GATAD2B: variants seen among roughly 807,000 people sequenced by gnomAD.
GATAD2B encodes transcriptional repressor p66-beta.
In GATAD2B, 8 loss-of-function variants were observed where a neutral mutation model predicts 64.3. The ratio of observed to expected loss-of-function variants is 0.12; its 90% confidence interval spans 0.07 to 0.22. The LOEUF (loss-of-function observed/expected upper bound fraction) is 0.22, where lower values mean the gene tolerates loss of function less well. Ranked by LOEUF, GATAD2B falls within the 10% of genes least tolerant of loss-of-function variation. The pLI, the probability that GATAD2B is intolerant of heterozygous loss-of-function variation, is 1.00. For missense variants in GATAD2B, 453 were observed against 752.0 expected (o/e 0.60, Z 4.65); for synonymous variants, 281 against 271.3 (o/e 1.04, Z -0.35).
chr1:153,876,328 T>C (rs1380498836), intron 1 of GATAD2B, among the ~76,000 whole-genome samples: 6 of 149,958 alleles, frequency 4.0e-5, no homozygotes, highest in Admixed American at 2.0e-4. Flanking sequence ...GTCAATGTCC[T>C]TAACCATCGT....
intron 1 of GATAD2B, among the ~76,000 whole-genome samples, chr1:153,866,257 TAG>T (rs1557812523): frequency 6.8e-6 from 1 of 147,730 alleles, no homozygotes; most frequent in Non-Finnish European, 1.5e-5. Context: ...TTAGTCATAA[TAG>T]AGAGGTGAGA....
intron 1 of GATAD2B, chr1:153,921,701 AG>A (rs1557838217): frequency 6.6e-6 from 1 of 152,252 alleles, no homozygotes; most frequent in Non-Finnish European, 1.5e-5. Flanking sequence ...AACAGAGAAA[AG>A]GTTGCTAGCT....
At chr1:153,897,219 CG>C (rs1231876329) in intron 1 of GATAD2B, among the ~76,000 whole-genome samples, 2 of 151,854 alleles carry the variant, frequency 1.3e-5, no homozygotes, top group Non-Finnish European at 2.9e-5. Flanking sequence ...TTAGTAGAGA[CG>C]GGGTTTCACT....
intron 1 of GATAD2B, chr1:153,852,257 T>C (rs1675921912): frequency 8.1e-7 from 1 of 1,231,086 alleles, no homozygotes; most frequent in East Asian, 2.3e-5. Flanking sequence ...TCAAGTCATC[T>C]AAAGATTCCT....
intron 1 of GATAD2B, among the ~76,000 whole-genome samples, chr1:153,873,941 T>A (rs929767273): frequency 2.0e-5 from 3 of 150,678 alleles, no homozygotes; most frequent in African/African-American, 4.9e-5. Flanking sequence ...AGAGAATAAA[T>A]AAAAAGGAAA....
At chr1:153,847,330 C>T (rs1675723370) in intron 1 of GATAD2B, among the ~76,000 whole-genome samples, 1 of 152,092 alleles carries the variant, frequency 6.6e-6, no homozygotes, top group African/African-American at 2.4e-5. Flanking sequence ...TATTTAGTCC[C>T]TGACCTCTGA....
chr1:153,853,721 G>C (rs1675988866), intron 1 of GATAD2B, among the ~76,000 whole-genome samples: 1 of 152,114 alleles, frequency 6.6e-6, no homozygotes, highest in African/African-American at 2.4e-5. Flanking sequence ...TTCTTCTTAT[G>C]AGTTTTATAG....
At position 153,810,180 on chromosome 1, in the gene GATAD2B, T is replaced by C. The variant is rs1263254401; in HGVS notation, c.1779A>G (p.Lys593=). ...GGCAGTACAAGTGGAACAGGCGTTA[T>C]TTCTGTCCACTGATGGACTGCGATA... The part of the protein sequence containing the change: ...RSISQSISGQ[K] Residue 593 remains lysine, a synonymous_variant, in exon 11 of 11, where the codon AAA becomes AAG. Transcript: ENST00000368655. 6.2e-7 allele frequency: 1 copy of C among 1,608,836 alleles called. No individual in the cohort carries two copies. Among genetic ancestry groups the C allele is most frequent in the Non-Finnish European group, 8.5e-7 (1 of 1,177,664 alleles).
At chr1:153,912,013 C>T (rs990536537) in intron 1 of GATAD2B, among the ~76,000 whole-genome samples, 4 of 152,090 alleles carry the variant, frequency 2.6e-5, no homozygotes, top group African/African-American at 4.8e-5. Flanking sequence ...ATCAAGTATT[C>T]GCGGAGCCAG....
chr1:153,819,542 C>T lies in GATAD2B; in HGVS notation c.465+64G>A, dbSNP rs1277251511. 2.6e-6 allele frequency: 3 copies of T among 1,163,430 alleles called. No homozygotes were observed. In the Admixed American group the frequency reaches 7.0e-5, roughly 27 times the overall value. The allele number at this position is 1,163,430 out of a possible 1,614,324, so 72.1% of individuals were successfully genotyped here. On this transcript the variant is annotated intron_variant, in intron 3 of 10. Coordinates refer to ENST00000368655, the MANE Select transcript of GATAD2B (RefSeq NM_020699.4). ...ATAGTCAAAAAACAGAACTAAATCT[C>T]TTGAGGAATTAAATAAAATAGAAGG... is the stretch of plus-strand genomic sequence containing the variant.
intron 1 of GATAD2B, among the ~76,000 whole-genome samples, chr1:153,912,551 C>T (rs1295073337): frequency 1.3e-5 from 2 of 152,186 alleles, no homozygotes; most frequent in East Asian, 3.8e-4. Context: ...CTTCAAAGGT[C>T]TTCTGGCCAA....
intron 1 of GATAD2B, among the ~76,000 whole-genome samples, chr1:153,849,581 T>C (rs1675816171): frequency 6.6e-6 from 1 of 152,186 alleles, no homozygotes; most frequent in African/African-American, 2.4e-5. Context: ...CCACATGCAT[T>C]CTATCTGTAA....
intron 1 of GATAD2B, among the ~76,000 whole-genome samples, chr1:153,910,050 G>A (rs140505597): frequency 0.021 from 3,205 of 152,086 alleles, 120 homozygotes; most frequent in African/African-American, 0.073. Flanking sequence ...AAGAGGCAGA[G>A]GTTGCAGTGA....
chr1:153,874,900 G>A (rs1045631247), intron 1 of GATAD2B, among the ~76,000 whole-genome samples: 8 of 151,142 alleles, frequency 5.3e-5, no homozygotes, highest in Non-Finnish European at 7.4e-5. Flanking sequence ...TTGAAACAGG[G>A]TCTTGTTCTG....
At chr1:153,840,022 CTTTCT>C (rs1347063815) in intron 1 of GATAD2B, among the ~76,000 whole-genome samples, 2 of 142,372 alleles carry the variant, frequency 1.4e-5, no homozygotes, top group African/African-American at 5.2e-5. Flanking sequence ...AATGAAAATA[CTTTCT>C]TTTTTTTTTT....
At chr1:153,852,269 C>T (rs895773053) in intron 1 of GATAD2B, 7 of 1,212,800 alleles carry the variant, frequency 5.8e-6, no homozygotes, top group Admixed American at 5.4e-5. Flanking sequence ...AAGATTCCTT[C>T]ATTTTCTGCA....
chr1:153,828,036 A>C lies in GATAD2B; in HGVS notation c.312T>G (p.Pro104=). The C allele has an allele frequency of 1.9e-6, 3 of 1,614,014 alleles. No individual in the cohort carries two copies. The highest frequency in any genetic ancestry group is 2.5e-6 in the Non-Finnish European group (3 of 1,179,924). The part of the protein sequence containing the change: ...RPGKENINDE[P]VDMSARRSEP... ...ACCTCCGTCTAGCACTCATATCCACAGGCTCATCATTGATGTTTTCTTTGC... is the reference window on the plus strand; with the variant it reads ...ACCTCCGTCTAGCACTCATATCCACCGGCTCATCATTGATGTTTTCTTTGC... Residue 104 remains proline, a synonymous_variant, in exon 2 of 11, where the codon CCT becomes CCG. Transcript: ENST00000368655.
At chr1:153,824,492 G>A (rs143895413) in intron 2 of GATAD2B, among the ~76,000 whole-genome samples, 107 of 151,050 alleles carry the variant, frequency 7.1e-4, no homozygotes, top group African/African-American at 2.5e-3. Flanking sequence ...CCAGCATGTA[G>A]TCCCAGCTAC....
At chr1:153,852,605 A>C (rs576715646) in intron 1 of GATAD2B, 2 of 783,720 alleles carry the variant, frequency 2.6e-6, no homozygotes, top group Non-Finnish European at 4.7e-6. Flanking sequence ...GATTGGCACT[A>C]TGCACACTCT....
Sources: allele counts gnomAD v4.1 joint callset (sites outside exome capture counted in the v4.1 genomes callset), GRCh38; gene constraint gnomAD v4.1.1; transcripts MANE v1.5; gene names NCBI Gene and HGNC (gene_info 2026-07-23, HGNC 2026-07-21).